The following MTURN variants were observed in gnomAD, a reference collection of about 807,000 sequenced individuals.
MTURN encodes maturin, neural progenitor differentiation regulator homolog, also known as maturin.
Under a neutral mutation model 14.9 loss-of-function variants are expected in MTURN, and 7 were observed. The ratio of observed to expected loss-of-function variants is 0.47; its 90% confidence interval spans 0.27 to 0.88. The LOEUF is 0.88. Ranked by LOEUF, MTURN falls within the 40% of genes least tolerant of loss-of-function variation. The pLI, the probability that MTURN is intolerant of heterozygous loss-of-function variation, is 0.14. For synonymous variants in MTURN, 69 were observed against 72.5 expected, an observed-to-expected ratio of 0.95 and a Z score of 0.25; for missense variants, 151 against 174.1, an observed-to-expected ratio of 0.87 and a Z score of 0.75.
chr7:30,135,564 A>G (rs1796936864), intron 1 of MTURN, among the ~76,000 whole-genome samples: 1 of 151,892 alleles, frequency 6.6e-6, no homozygotes, highest in African/African-American at 2.4e-5. Flanking sequence ...GCGTCCCCCT[A>G]AAGGCCACTC....
rs1186391528 is a variant in MTURN at position 30,157,624 on chromosome 7, A to G, written c.*76A>G. ...GGGTCACTGCCCCTCCTGGGTTAGC[A>G]TTTTGCATTAGCACTTCGAAATAGG... On this transcript the variant is annotated 3_prime_UTR_variant, in exon 3 of 3. Coordinates refer to ENST00000324453, the MANE Select transcript of MTURN (RefSeq NM_152793.3). 1 of 1,072,240 alleles carries G rather than the reference A, an allele frequency of 9.3e-7. No homozygotes were observed. Among genetic ancestry groups the G allele is most frequent in the Non-Finnish European group, 1.3e-6 (1 of 757,644 alleles). 66.4% of individuals were successfully genotyped at this position (1,072,240 alleles called of 1,614,324 possible).
chr7:30,150,945 A>T (rs966910319), intron 2 of MTURN, among the ~76,000 whole-genome samples: 1 of 152,330 alleles, frequency 6.6e-6, no homozygotes, highest in East Asian at 1.9e-4. Flanking sequence ...TTGTGGATTC[A>T]TGGGGAACTT....
At chr7:30,138,859 C>T (rs144027977) in intron 1 of MTURN, among the ~76,000 whole-genome samples, 1 of 152,210 alleles carries the variant, frequency 6.6e-6, no homozygotes, top group Non-Finnish European at 1.5e-5. Flanking sequence ...ATTCCTGCCT[C>T]AAGGCCTTGG....
intron 2 of MTURN, among the ~76,000 whole-genome samples, chr7:30,154,592 C>T (rs1478680755): frequency 6.6e-6 from 1 of 152,200 alleles, no homozygotes; most frequent in African/African-American, 2.4e-5. Flanking sequence ...TATCATGGCG[C>T]TTTACAGAGA....
At chr7:30,152,923 T>C (rs550624191) in intron 2 of MTURN, among the ~76,000 whole-genome samples, 24 of 152,286 alleles carry the variant, frequency 1.6e-4, no homozygotes, top group African/African-American at 4.6e-4. Context: ...GCTTATGTGA[T>C]CACCGATAGC....
At chr7:30,148,075 C>T (rs1007220097) in intron 2 of MTURN, among the ~76,000 whole-genome samples, 28 of 152,226 alleles carry the variant, frequency 1.8e-4, no homozygotes, top group Admixed American at 3.3e-4. Context: ...CACGTAATGT[C>T]GTGAAATGAT....
At chr7:30,142,206 G>A (rs1011687298) in intron 1 of MTURN, among the ~76,000 whole-genome samples, 1 of 152,156 alleles carries the variant, frequency 6.6e-6, no homozygotes, top group Admixed American at 6.5e-5. Flanking sequence ...CTTAAGCTGG[G>A]CAAGCTTTTA....
At chr7:30,142,897 CTG>C (rs1363150181) in intron 1 of MTURN, among the ~76,000 whole-genome samples, 1 of 152,154 alleles carries the variant, frequency 6.6e-6, no homozygotes, top group Non-Finnish European at 1.5e-5. Context: ...TCTCTGATTC[CTG>C]CTGTAGTTTT....
intron 1 of MTURN, among the ~76,000 whole-genome samples, chr7:30,144,624 C>T (rs999403727): frequency 1.3e-5 from 2 of 152,158 alleles, no homozygotes; most frequent in African/African-American, 4.8e-5. Context: ...GGCATGAGAG[C>T]AACGTGTGTC....
chr7:30,156,322 TG>T (rs1797287235), intron 2 of MTURN, among the ~76,000 whole-genome samples: 1 of 152,012 alleles, frequency 6.6e-6, no homozygotes, highest in Admixed American at 6.6e-5. Flanking sequence ...ACCTTAAAAT[TG>T]GGGTGTATTT....
At position 30,159,576 on chromosome 7, in the gene MTURN, T is replaced by C. The variant is rs1178049374; in HGVS notation, c.*2028T>C. ...CAAATACATGTTGGTATTATCATGT[T>C]AATGTTCTCTGTTTATAAAAATTGA... On this transcript the variant is annotated 3_prime_UTR_variant, in exon 3 of 3. Transcript: ENST00000324453. The C allele has an allele frequency of 6.5e-6, 1 of 152,680 alleles. No homozygotes were observed. Among genetic ancestry groups the C allele is most frequent in the East Asian group, 1.9e-4 (1 of 5,202 alleles). The allele number at this position is 152,680 out of a possible 1,614,324, so 9.5% of individuals were successfully genotyped here.
Position 30,158,479 on chromosome 7 carries a change from T to C in MTURN, c.*931T>C, listed in dbSNP as rs556686442. On this transcript the variant is annotated 3_prime_UTR_variant, in exon 3 of 3. Transcript: ENST00000324453. Reference sequence around the variant, plus strand: ...AAAAGTTTTTAAAAATATGGTAGAATCCTTCTTTACTTTTTAAGTCTTTTA... The same window carrying C: ...AAAAGTTTTTAAAAATATGGTAGAACCCTTCTTTACTTTTTAAGTCTTTTA... 1 of 151,536 alleles carries C rather than the reference T, an allele frequency of 6.6e-6. No individual in the cohort carries two copies. The highest frequency in any genetic ancestry group is 2.4e-5 in the African/African-American group (1 of 41,038). 9.4% of individuals were successfully genotyped at this position (151,536 alleles called of 1,614,324 possible). A position where few individuals can be genotyped will look rare whatever the true frequency, so the allele number is the denominator to read the frequency against.
intron 2 of MTURN, among the ~76,000 whole-genome samples, chr7:30,152,483 C>T (rs188444662): frequency 1.3e-4 from 20 of 152,342 alleles, no homozygotes; most frequent in Admixed American, 5.2e-4. Flanking sequence ...CACTTGAGAC[C>T]TGTTGAATCA....
chr7:30,157,494 G>A lies in MTURN; in HGVS notation c.342G>A (p.Val114=), dbSNP rs781248823. ...DDAFEEYSAD[V]EEEEPEADHP... Reference sequence around the variant, plus strand: ...CGTTTGAAGAGTACAGTGCTGACGTGGAAGAAGAGGAGCCAGAGGCGGACC... The same window carrying A: ...CGTTTGAAGAGTACAGTGCTGACGTAGAAGAAGAGGAGCCAGAGGCGGACC... The change falls in exon 3 of 3, where the codon GTG becomes GTA. Residue 114 remains valine (V), a synonymous_variant. Coordinates refer to ENST00000324453, the MANE Select transcript of MTURN (RefSeq NM_152793.3). The A allele has an allele frequency of 7.5e-6, 12 of 1,606,818 alleles. No individual in the cohort carries two copies. The Admixed American group carries it at 2.0e-4, about 27-fold the overall frequency.
intron 2 of MTURN, among the ~76,000 whole-genome samples, chr7:30,146,552 G>T (rs371929685): frequency 3.9e-5 from 6 of 152,228 alleles, no homozygotes; most frequent in African/African-American, 1.2e-4. Flanking sequence ...TCCCTGATGG[G>T]GGGGGAAGCA....
chr7:30,144,627 CGT>C (rs1797102330), intron 1 of MTURN, among the ~76,000 whole-genome samples: 1 of 152,268 alleles, frequency 6.6e-6, no homozygotes, highest in African/African-American at 2.4e-5. Context: ...ATGAGAGCAA[CGT>C]GTGTCGAAAA....
In MTURN at chr7:30,145,029, C is replaced by T. The variant is rs1345191945; in HGVS notation, c.163-1148C>T. Among the ~76,000 whole-genome samples the T allele has an allele frequency of 2.0e-5, 3 of 149,656 alleles. No homozygotes were observed. The East Asian group carries it at 5.8e-4, about 29-fold the overall frequency. On this transcript the variant is annotated intron_variant, in intron 1 of 2. Transcript: ENST00000324453. ...ACCTGACAGATACTCTGATGTTACC[C>T]TGGAAGCCCCGTGTCCCTGACTTGC...
chr7:30,150,963 A>G (rs752706615), intron 2 of MTURN, among the ~76,000 whole-genome samples: 4 of 152,238 alleles, frequency 2.6e-5, no homozygotes, highest in Non-Finnish European at 5.9e-5. Context: ...CTTTGAAGTC[A>G]GACTGAGAAC....
intron 2 of MTURN, among the ~76,000 whole-genome samples, chr7:30,155,533 CT>C (rs1797273962): frequency 6.6e-6 from 1 of 152,172 alleles, no homozygotes; most frequent in Non-Finnish European, 1.5e-5. Context: ...GAAAAAGAGA[CT>C]TTCTTCTCCC....
Sources: allele counts gnomAD v4.1 joint callset (sites outside exome capture counted in the v4.1 genomes callset), GRCh38; gene constraint gnomAD v4.1.1; transcripts MANE v1.5; gene names NCBI Gene and HGNC (gene_info 2026-07-23, HGNC 2026-07-21).